ATP9B: variants seen among roughly 807,000 people sequenced by gnomAD.
The protein encoded by ATP9B is ATPase phospholipid transporting 9B.
In ATP9B, 110 loss-of-function variants were observed where a neutral mutation model predicts 146.1. That is an observed-to-expected ratio of 0.75 (90% confidence interval 0.65 to 0.88). ATP9B has a LOEUF of 0.88. ATP9B is among the 40% of genes least tolerant of loss of function. The probability of loss-of-function intolerance (pLI) is 0.00; values close to 1 mark genes in which losing one functional copy is unlikely to be tolerated. For synonymous variants in ATP9B, 604 were observed against 569.7 expected, an observed-to-expected ratio of 1.06 and a Z score of -0.86; for missense variants, 1,499 against 1,496.4, an observed-to-expected ratio of 1.00 and a Z score of -0.03.
chr18:79,170,444 A>T (rs764880048), intron 7 of ATP9B, among the ~76,000 whole-genome samples: 10 of 152,182 alleles, frequency 6.6e-5, no homozygotes, highest in Non-Finnish European at 1.3e-4. Context: ...TGCATTATTT[A>T]TCTCTTTACT....
intron 1 of ATP9B, among the ~76,000 whole-genome samples, chr18:79,077,345 G>C (rs2072739493): frequency 1.3e-5 from 2 of 152,126 alleles, no homozygotes; most frequent in African/African-American, 4.8e-5. Context: ...TTGACATCTG[G>C]GAAGGGAAGG....
intron 4 of ATP9B, chr18:79,117,674 T>C (rs1401600946): frequency 6.6e-6 from 1 of 152,230 alleles, no homozygotes; most frequent in Non-Finnish European, 1.5e-5. Context: ...GGAAGCCGTA[T>C]GTTTGTGTAT....
intron 26 of ATP9B, among the ~76,000 whole-genome samples, chr18:79,365,030 A>G (rs1357925756): frequency 5.0e-5 from 2 of 39,644 alleles, no homozygotes; most frequent in Non-Finnish European, 1.0e-4. Flanking sequence ...ACCTTGTCTC[A>G]AAAAAAAAAA....
chr18:79,090,399 A>C (rs2074222575), intron 1 of ATP9B, among the ~76,000 whole-genome samples: 1 of 152,218 alleles, frequency 6.6e-6, no homozygotes, highest in Non-Finnish European at 1.5e-5. Context: ...AACAGTGTAC[A>C]AGGGTTCCCT....
At chr18:79,195,842 T>G (rs1464952148) in intron 9 of ATP9B, among the ~76,000 whole-genome samples, 1 of 151,932 alleles carries the variant, frequency 6.6e-6, no homozygotes, top group African/African-American at 2.4e-5. Context: ...GGACTAGAAG[T>G]TGATGGATGT....
intron 1 of ATP9B, among the ~76,000 whole-genome samples, chr18:79,079,685 C>T (rs948378522): frequency 5.9e-5 from 9 of 152,278 alleles, no homozygotes; most frequent in Middle Eastern, 3.4e-3. Flanking sequence ...CTTTTGTTGT[C>T]ATGGCTTTTG....
At chr18:79,315,734 T>G (rs189541256) in intron 15 of ATP9B, among the ~76,000 whole-genome samples, 1 of 152,260 alleles carries the variant, frequency 6.6e-6, no homozygotes, top group Non-Finnish European at 1.5e-5. Context: ...CTGGCTGTGC[T>G]ACTCTTGGGT....
Position 79,307,016 on chromosome 18 carries a change from G to C in ATP9B, c.1555G>C (p.Gly519Arg), listed in dbSNP as rs1248599386. ...MQSQAGGNNT[G>R]STPLRKAQSS... ...GTCTCAAGCTGGTGGAAACAATACT[G>C]GTTCAACTCCACTAAGAAAAGCCCA... The change falls in exon 15 of 30, where the codon GGT becomes CGT. Residue 519 changes from glycine to arginine, a missense_variant. Coordinates refer to ENST00000426216, the MANE Select transcript of ATP9B (RefSeq NM_198531.5). The C allele has an allele frequency of 1.2e-6, 2 of 1,614,098 alleles. No individual in the cohort carries two copies. Among genetic ancestry groups the C allele is most frequent in the Non-Finnish European group, 1.7e-6 (2 of 1,179,954 alleles).
At chr18:79,342,413 C>A in intron 20 of ATP9B, 47 bp downstream of exon 20, 1 of 1,321,704 alleles carries the variant, frequency 7.6e-7, no homozygotes, top group Non-Finnish European at 1.1e-6. Flanking sequence ...ATTTGTCTCA[C>A]ACAAACGAAG....
chr18:79,197,246 CTG>C (rs2095425335), intron 9 of ATP9B, among the ~76,000 whole-genome samples: 1 of 152,012 alleles, frequency 6.6e-6, no homozygotes, highest in East Asian at 1.9e-4. Context: ...GAAATATAAA[CTG>C]AAATTGGAGA....
chr18:79,172,584 C>A (rs1320359816), intron 7 of ATP9B, among the ~76,000 whole-genome samples: 7 of 148,330 alleles, frequency 4.7e-5, no homozygotes, highest in African/African-American at 1.5e-4. Context: ...CGTGCGCCGA[C>A]CTTGCGATCC....
At chr18:79,093,313 T>A (rs1040840924) in intron 1 of ATP9B, among the ~76,000 whole-genome samples, 1 of 152,234 alleles carries the variant, frequency 6.6e-6, no homozygotes. Context: ...TGTTGCTGGA[T>A]GTAGACTTCT....
intron 13 of ATP9B, among the ~76,000 whole-genome samples, chr18:79,300,364 A>G (rs2096582505): frequency 6.6e-6 from 1 of 151,952 alleles, no homozygotes; most frequent in South Asian, 2.1e-4. Flanking sequence ...ACCACCCTGC[A>G]GTGCTTGCAA....
intron 13 of ATP9B, among the ~76,000 whole-genome samples, chr18:79,296,477 G>T (rs1248640027): frequency 6.6e-6 from 1 of 152,210 alleles, no homozygotes; most frequent in African/African-American, 2.4e-5. Context: ...GCTGCACTTT[G>T]CAACGTCAAT....
chr18:79,260,216 C>T (rs368688760), intron 12 of ATP9B, among the ~76,000 whole-genome samples: 4 of 152,082 alleles, frequency 2.6e-5, no homozygotes, highest in South Asian at 2.1e-4. Context: ...GCAATCATGG[C>T]GGAAGGGGAA....
intron 4 of ATP9B, among the ~76,000 whole-genome samples, chr18:79,113,947 A>T (rs1004199715): frequency 6.6e-6 from 1 of 152,126 alleles, no homozygotes; most frequent in African/African-American, 2.4e-5. Flanking sequence ...TCCTCCTTTC[A>T]TAGAAAAATG....
chr18:79,133,533 ACACT>A (rs998950052), intron 5 of ATP9B, among the ~76,000 whole-genome samples: 3 of 151,674 alleles, frequency 2.0e-5, no homozygotes, highest in South Asian at 2.1e-4. Context: ...ACACACACAC[ACACT>A]CACTCTCAAG....
chr18:79,261,230 G>A (rs2145300136), intron 12 of ATP9B, among the ~76,000 whole-genome samples: 1 of 152,192 alleles, frequency 6.6e-6, no homozygotes, highest in East Asian at 1.9e-4. Flanking sequence ...GAGTGCTAGA[G>A]GGTGGACTCC....
intron 9 of ATP9B, among the ~76,000 whole-genome samples, chr18:79,201,215 A>G (rs796457370): frequency 2.0e-5 from 3 of 152,264 alleles, no homozygotes; most frequent in African/African-American, 7.2e-5. Context: ...AGATATATCC[A>G]TTCTGAAATC....
Sources: allele counts gnomAD v4.1 joint callset (sites outside exome capture counted in the v4.1 genomes callset), GRCh38; gene constraint gnomAD v4.1.1; transcripts MANE v1.5; gene names NCBI Gene and HGNC (gene_info 2026-07-23, HGNC 2026-07-21).